The following KAZN variants were observed in gnomAD, a reference collection of about 807,000 sequenced individuals.
The protein encoded by KAZN is kazrin, periplakin interacting protein.
Under a neutral mutation model 87.4 loss-of-function variants are expected in KAZN, and 40 were observed. The ratio of observed to expected loss-of-function variants is 0.46; its 90% CI spans 0.36 to 0.60. The LOEUF (loss-of-function observed/expected upper bound fraction) is 0.60, where lower values mean the gene tolerates loss of function less well. KAZN is among the 20% of genes least tolerant of loss of function. The probability of loss-of-function intolerance (pLI) is 0.00; values close to 1 mark genes in which losing one functional copy is unlikely to be tolerated. For missense variants in KAZN, 898 were observed against 1,073.9 expected (o/e 0.84, Z 2.29); for synonymous variants, 466 against 458.3 (o/e 1.02, Z -0.22).
chr1:14,955,812 T>C (rs983151654), intron 1 of KAZN, among the ~76,000 whole-genome samples: 24 of 152,306 alleles, frequency 1.6e-4, no homozygotes, highest in African/African-American at 5.3e-4. Context: ...ATGCCCTTCC[T>C]GTGCCTGCCC....
At chr1:14,837,514 A>G (rs1171599635) in intron 1 of KAZN, among the ~76,000 whole-genome samples, 1 of 137,784 alleles carries the variant, frequency 7.3e-6, no homozygotes, top group African/African-American at 2.7e-5. Flanking sequence ...CTGTTGTTTT[A>G]TGTCAGTGTA....
intron 2 of KAZN, among the ~76,000 whole-genome samples, chr1:14,362,872 T>C (rs769878071): frequency 5.9e-5 from 9 of 152,172 alleles, no homozygotes; most frequent in Admixed American, 1.3e-4. Flanking sequence ...TTTGTCTCTA[T>C]TTCATCCTTT....
chr1:14,372,906 A>G (rs933487660), intron 2 of KAZN, among the ~76,000 whole-genome samples: 5 of 152,214 alleles, frequency 3.3e-5, no homozygotes, highest in South Asian at 2.1e-4. Flanking sequence ...GAACAAATTA[A>G]TAACTAATTA....
chr1:14,269,464 A>G (rs1435776353), intron 2 of KAZN, among the ~76,000 whole-genome samples: 2 of 152,202 alleles, frequency 1.3e-5, no homozygotes, highest in Non-Finnish European at 2.9e-5. Context: ...TGGAAAGAAC[A>G]GAAATAAAAG....
At chr1:15,053,038 T>C (rs1674578099) in intron 4 of KAZN, among the ~76,000 whole-genome samples, 1 of 152,192 alleles carries the variant, frequency 6.6e-6, no homozygotes, top group Admixed American at 6.5e-5. Context: ...TTCCTAGGCA[T>C]GTGGCTGGGA....
intron 2 of KAZN, among the ~76,000 whole-genome samples, chr1:14,209,724 GGTAATT>G (rs1423071486): frequency 2.0e-5 from 3 of 152,158 alleles, no homozygotes; most frequent in Non-Finnish European, 2.9e-5. Context: ...ATTTATAACT[GGTAATT>G]GTAATTGTTT....
At chr1:14,147,750 C>T (rs908733796) in intron 1 of KAZN, among the ~76,000 whole-genome samples, 14 of 151,144 alleles carry the variant, frequency 9.3e-5, no homozygotes, top group Admixed American at 6.6e-4. Context: ...GAGCCGAGAT[C>T]GCGCCACTGC....
intron 1 of KAZN, among the ~76,000 whole-genome samples, chr1:14,823,562 T>C (rs1232981454): frequency 6.6e-6 from 1 of 152,068 alleles, no homozygotes; most frequent in East Asian, 1.9e-4. Context: ...GTGGCCAGGA[T>C]GTTGAATGTC....
intron 2 of KAZN, among the ~76,000 whole-genome samples, chr1:14,274,484 A>G (rs1041531146): frequency 7.9e-5 from 12 of 152,210 alleles, no homozygotes; most frequent in Non-Finnish European, 1.8e-4. Flanking sequence ...ATACCTAAGC[A>G]TCATCCGGGG....
At chr1:14,054,595 A>AT (rs1328752512) in intron 1 of KAZN, among the ~76,000 whole-genome samples, 1 of 152,232 alleles carries the variant, frequency 6.6e-6, no homozygotes, top group African/African-American at 2.4e-5. Context: ...TGGCCCAGGC[A>AT]TATTCCACTT....
At chr1:14,839,447 A>C (rs1410090364) in intron 1 of KAZN, among the ~76,000 whole-genome samples, 2 of 152,234 alleles carry the variant, frequency 1.3e-5, no homozygotes, top group African/African-American at 4.8e-5. Flanking sequence ...TTTAAGTAGC[A>C]TAATAAATGA....
chr1:14,863,017 T>A (rs1285137584), intron 1 of KAZN, among the ~76,000 whole-genome samples: 1 of 152,236 alleles, frequency 6.6e-6, no homozygotes, highest in East Asian at 1.9e-4. Flanking sequence ...AGGGCCATTC[T>A]GTTGCTCCCG....
chr1:14,355,500 A>G (rs930735471), intron 2 of KAZN, among the ~76,000 whole-genome samples: 3 of 152,098 alleles, frequency 2.0e-5, no homozygotes, highest in East Asian at 1.9e-4. Context: ...ATAAGTATAC[A>G]TGTCCCATGG....
chr1:14,063,023 T>C (rs1642857845), intron 1 of KAZN, among the ~76,000 whole-genome samples: 1 of 152,194 alleles, frequency 6.6e-6, no homozygotes, highest in Non-Finnish European at 1.5e-5. Context: ...TATACACATA[T>C]TTTACATCGT....
At chr1:14,409,872 A>G (rs1571557688) in intron 2 of KAZN, among the ~76,000 whole-genome samples, 1 of 152,208 alleles carries the variant, frequency 6.6e-6, no homozygotes, top group South Asian at 2.1e-4. Flanking sequence ...ACAGAATATA[A>G]CAGATACTCT....
chr1:14,359,251 T>G (rs1471935104), intron 2 of KAZN, among the ~76,000 whole-genome samples: 1 of 152,114 alleles, frequency 6.6e-6, no homozygotes, highest in Non-Finnish European at 1.5e-5. Flanking sequence ...CCCTGCTTTT[T>G]TTTTCTTTTT....
chr1:14,147,843 T>A (rs1645387186), intron 1 of KAZN, among the ~76,000 whole-genome samples: 1 of 151,870 alleles, frequency 6.6e-6, no homozygotes, highest in Non-Finnish European at 1.5e-5. Flanking sequence ...TAGAAACCTT[T>A]CTAAAGTGGT....
At chr1:15,007,679 ACC>A (rs1557710259) in intron 2 of KAZN, among the ~76,000 whole-genome samples, 1 of 152,034 alleles carries the variant, frequency 6.6e-6, no homozygotes. Flanking sequence ...CAGGTAGCTC[ACC>A]TGCCCGCCTC....
chr1:14,168,841 T>C (rs1021014168), intron 1 of KAZN, among the ~76,000 whole-genome samples: 1 of 151,914 alleles, frequency 6.6e-6, no homozygotes, highest in African/African-American at 2.4e-5. Flanking sequence ...TAAACCTGGG[T>C]TGTGTGACAA....
Sources: allele counts gnomAD v4.1 joint callset (sites outside exome capture counted in the v4.1 genomes callset), GRCh38; gene constraint gnomAD v4.1.1; transcripts MANE v1.5; gene names NCBI Gene and HGNC (gene_info 2026-07-23, HGNC 2026-07-21).